Variants in WDFY2 observed in about 807,000 individuals in gnomAD.
WDFY2 encodes the protein WD repeat and FYVE domain-containing protein 2.
In WDFY2, 36 loss-of-function variants were observed where a neutral mutation model predicts 56.4. The observed-to-expected ratio is 0.64, with a 90% CI of 0.49 to 0.84. WDFY2 has a LOEUF of 0.84. Ranked by LOEUF, WDFY2 falls within the 40% of genes least tolerant of loss-of-function variation. The pLI is 0.00. For missense variants in WDFY2, 444 were observed against 512.2 expected, an observed-to-expected ratio of 0.87 and a Z score of 1.29; for synonymous variants, 176 against 183.7, an observed-to-expected ratio of 0.96 and a Z score of 0.34.
At chr13:51,651,485 G>C (rs1593935406) in intron 1 of WDFY2, among the ~76,000 whole-genome samples, 1 of 152,020 alleles carries the variant, frequency 6.6e-6, no homozygotes, top group Non-Finnish European at 1.5e-5. Flanking sequence ...TCTTGCTTCT[G>C]TAGTTGTTTT....
chr13:51,756,953 GACATAGGTTACTT>G (rs1953404690), intron 10 of WDFY2, among the ~76,000 whole-genome samples: 1 of 152,168 alleles, frequency 6.6e-6, no homozygotes, highest in African/African-American at 2.4e-5. Flanking sequence ...AGTAACCCAG[GACATAGGTTACTT>G]ACCCCTTGGT....
chr13:51,675,155 G>A lies in WDFY2; in HGVS notation c.206-15G>A. The A allele has an allele frequency of 6.2e-7, 1 of 1,613,302 alleles. No homozygotes were observed. The highest frequency in any genetic ancestry group is 1.1e-5 in the South Asian group (1 of 91,060). Reference sequence around the variant, plus strand: ...ATGGTTTTGTTAATTTCATCAACATGTTCATTTCTTTCAGCTCCATGTTCA... The same window carrying A: ...ATGGTTTTGTTAATTTCATCAACATATTCATTTCTTTCAGCTCCATGTTCA... On this transcript the variant is annotated splice_polypyrimidine_tract_variant and intron_variant, in intron 2 of 11. Transcript: ENST00000298125.
At chr13:51,636,278 C>T (rs145866776) in intron 1 of WDFY2, among the ~76,000 whole-genome samples, 7 of 152,278 alleles carry the variant, frequency 4.6e-5, no homozygotes, top group African/African-American at 7.2e-5. Context: ...TTTGTAAACA[C>T]GCTTCAGACT....
intron 4 of WDFY2, among the ~76,000 whole-genome samples, chr13:51,716,399 A>T (rs990422409): frequency 4.6e-5 from 7 of 152,236 alleles, no homozygotes; most frequent in Non-Finnish European, 8.8e-5. Context: ...AAATTTTAAA[A>T]ATCAACAAGT....
At chr13:51,716,570 G>C (rs928685789) in intron 4 of WDFY2, among the ~76,000 whole-genome samples, 2 of 149,746 alleles carry the variant, frequency 1.3e-5, no homozygotes, top group African/African-American at 4.9e-5. Flanking sequence ...GCGGGCGCCT[G>C]TAGTCCCAGC....
intron 6 of WDFY2, among the ~76,000 whole-genome samples, chr13:51,732,791 G>A (rs750352251): frequency 3.9e-5 from 6 of 152,160 alleles, no homozygotes; most frequent in South Asian, 4.1e-4. Context: ...TCAGTCATCC[G>A]CTCTCTATGT....
chr13:51,726,036 C>A (rs973465797), intron 5 of WDFY2, among the ~76,000 whole-genome samples: 1 of 152,204 alleles, frequency 6.6e-6, no homozygotes, highest in African/African-American at 2.4e-5. Context: ...GGAACTATGA[C>A]AAGGGAGAAG....
chr13:51,634,249 C>G (rs1955005015), intron 1 of WDFY2, among the ~76,000 whole-genome samples: 1 of 149,638 alleles, frequency 6.7e-6, no homozygotes, highest in Non-Finnish European at 1.5e-5. Context: ...TGTAGTCTTG[C>G]AAAGCCCTAG....
chr13:51,733,947 A>G (rs1032856966), intron 6 of WDFY2, among the ~76,000 whole-genome samples: 3 of 152,194 alleles, frequency 2.0e-5, no homozygotes, highest in African/African-American at 7.2e-5. Context: ...GGAAGAAGGT[A>G]TACTCTAGAG....
intron 2 of WDFY2, among the ~76,000 whole-genome samples, chr13:51,663,360 G>A (rs895042830): frequency 1.3e-5 from 2 of 152,090 alleles, no homozygotes; most frequent in African/African-American, 2.4e-5. Context: ...TGCATCTACT[G>A]TATACAGGCC....
chr13:51,606,986 T>C (rs888183728), intron 1 of WDFY2, among the ~76,000 whole-genome samples: 1 of 152,178 alleles, frequency 6.6e-6, no homozygotes, highest in Non-Finnish European at 1.5e-5. Flanking sequence ...ACTTAAGCTA[T>C]ATGAAATGTA....
At chr13:51,696,332 A>G (rs1387258685) in intron 3 of WDFY2, among the ~76,000 whole-genome samples, 1 of 152,224 alleles carries the variant, frequency 6.6e-6, no homozygotes, top group East Asian at 1.9e-4. Context: ...CCAGCCCCCA[A>G]TCAAAATTGT....
intron 4 of WDFY2, among the ~76,000 whole-genome samples, chr13:51,705,221 G>A (rs528127640): frequency 3.9e-5 from 6 of 152,266 alleles, no homozygotes; most frequent in South Asian, 4.1e-4. Flanking sequence ...AAGAGAGTTC[G>A]GAAGCAGATT....
intron 1 of WDFY2, among the ~76,000 whole-genome samples, chr13:51,630,913 G>A (rs1954939690): frequency 6.6e-6 from 1 of 151,078 alleles, no homozygotes; most frequent in African/African-American, 2.4e-5. Context: ...CAAGTAGCTG[G>A]GATTACAGGT....
intron 1 of WDFY2, among the ~76,000 whole-genome samples, chr13:51,652,701 ATTCTT>A (rs1316127210): frequency 6.6e-6 from 1 of 152,132 alleles, no homozygotes; most frequent in African/African-American, 2.4e-5. Flanking sequence ...TGGGTTGAAA[ATTCTT>A]TTCTTTAAGA....
At chr13:51,648,291 A>C (rs1202771678) in intron 1 of WDFY2, among the ~76,000 whole-genome samples, 3 of 152,166 alleles carry the variant, frequency 2.0e-5, no homozygotes, top group African/African-American at 7.2e-5. Context: ...GTATCAACCT[A>C]GCTTCCTTGC....
chr13:51,668,496 C>T (rs187894635), intron 2 of WDFY2, among the ~76,000 whole-genome samples: 15 of 152,136 alleles, frequency 9.9e-5, no homozygotes, highest in African/African-American at 3.6e-4. Flanking sequence ...AAATTGAAGT[C>T]CTAAATATAG....
At chr13:51,718,979 T>G (rs568013402) in intron 4 of WDFY2, among the ~76,000 whole-genome samples, 3 of 152,176 alleles carry the variant, frequency 2.0e-5, no homozygotes, top group African/African-American at 7.2e-5. Context: ...AAGAGATGGA[T>G]AGTTTTTTTT....
chr13:51,654,227 T>A (rs566266632), intron 1 of WDFY2, among the ~76,000 whole-genome samples: 1 of 152,324 alleles, frequency 6.6e-6, no homozygotes, highest in South Asian at 2.1e-4. Flanking sequence ...AATCTCCTAG[T>A]GTGCCGTTTG....
Sources: gnomAD v4.1 joint callset for allele counts (sites outside exome capture counted in the v4.1 genomes callset) on GRCh38, gnomAD v4.1.1 for gene constraint, MANE v1.5 for transcripts, NCBI Gene and HGNC (gene_info 2026-07-23, HGNC 2026-07-21) for gene names.